FZR1: variants seen among roughly 807,000 people sequenced by gnomAD.
The protein encoded by FZR1 is fizzy-related protein homolog.
FZR1 carries 11 observed loss-of-function variants against 63.6 expected under a neutral mutation model. The ratio of observed to expected loss-of-function variants is 0.17; its 90% CI spans 0.11 to 0.29. The LOEUF (loss-of-function observed/expected upper bound fraction) is 0.29. Among genes scored for constraint, FZR1 ranks in the 10% least tolerant of loss-of-function variants. The pLI, the probability that FZR1 is intolerant of heterozygous loss-of-function variation, is 1.00. For synonymous variants in FZR1, 328 were observed against 297.9 expected, an observed-to-expected ratio of 1.10 and a Z score of -1.04; for missense variants, 440 against 687.5, an observed-to-expected ratio of 0.64 and a Z score of 4.03.
chr19:3,534,236 A>G, intron 12 of FZR1, 185 bp from the exon 13 acceptor site: 1 of 441,046 alleles, frequency 2.3e-6, no homozygotes, highest in Non-Finnish European at 4.0e-6. Context: ...TTAAAAAAAA[A>G]AAAAAAAAAA....
intron 1 of FZR1, among the ~76,000 whole-genome samples, chr19:3,513,486 A>G (rs1362258544): frequency 6.6e-6 from 1 of 152,192 alleles, no homozygotes; most frequent in Non-Finnish European, 1.5e-5. Flanking sequence ...ACCCTCACCA[A>G]CTGCATGGGG....
At position 3,532,582 on chromosome 19, in the gene FZR1, C is replaced by G; in HGVS notation, c.1174C>G (p.Pro392Ala). ...CTTCTGGAACACGCTGACAGGACAA[C>G]CACTGCAGTGTATCGACACGGGCTC... ...IRFWNTLTGQ[P>A]LQCIDTGSQV... The change falls in exon 11 of 14, where the codon CCA becomes GCA. Residue 392 changes from proline to alanine, a missense_variant. By Grantham distance (27) the Pro-to-Ala change is conservative (BLOSUM62 -1). Around this residue, in one of 5 missense-constraint regions of FZR1, gnomAD observed 208 missense variants for 363.6 expected, o/e 0.57. Transcript: ENST00000441788. 2.5e-6 allele frequency: 4 copies of G among 1,612,776 alleles called. No individual in the cohort carries two copies. Among genetic ancestry groups the G allele is most frequent in the Non-Finnish European group, 3.4e-6 (4 of 1,179,842 alleles).
chr19:3,518,094 A>C (rs1029175236), intron 1 of FZR1, among the ~76,000 whole-genome samples: 1 of 148,824 alleles, frequency 6.7e-6, no homozygotes, highest in Non-Finnish European at 1.5e-5. Flanking sequence ...TGCTCACTGC[A>C]ACCTCCGCCT....
chr19:3,522,722 G>A (rs1006744356), intron 1 of FZR1, among the ~76,000 whole-genome samples: 5 of 152,294 alleles, frequency 3.3e-5, no homozygotes, highest in Middle Eastern at 3.4e-3. Flanking sequence ...CCTTTCCCGG[G>A]CAGGAGGACA....
intron 10 of FZR1, 77 bp downstream of exon 10, chr19:3,532,172 G>A: frequency 7.4e-7 from 1 of 1,355,674 alleles, no homozygotes; most frequent in Non-Finnish European, 9.8e-7. Flanking sequence ...GAAGAGCCTG[G>A]GCTGGGGCGG....
chr19:3,509,041 C>T (rs2083006083), intron 1 of FZR1, among the ~76,000 whole-genome samples: 1 of 152,258 alleles, frequency 6.6e-6, no homozygotes, highest in Non-Finnish European at 1.5e-5. Context: ...GACCTCATCT[C>T]TCTTCTGCCC....
At position 3,532,643 on chromosome 19, in the gene FZR1, A is replaced by G. The variant is rs757368401; in HGVS notation, c.1235A>G (p.Asn412Ser). 8 of 1,610,772 alleles carry G rather than the reference A, an allele frequency of 5.0e-6. No individual in the cohort carries two copies. In the East Asian group the frequency reaches 1.6e-4, roughly 31 times the overall value. The stretch of plus-strand genomic sequence containing the variant: ...AATCTGGCCTGGTCCAAGCACGCCA[A>G]CGAGCTGGTGAGCACGGGCGGCCCG... ...VCNLAWSKHA[N>S]ELVSTHGYSQ... The change falls in exon 11 of 14, where the codon AAC becomes AGC. Residue 412 changes from asparagine (N) to serine (S), a missense_variant. By Grantham distance (46) the Asn-to-Ser change is conservative (BLOSUM62 1). Transcript: ENST00000441788.
chr19:3,534,042 G>C (rs999409270), intron 12 of FZR1, among the ~76,000 whole-genome samples: 8 of 151,196 alleles, frequency 5.3e-5, no homozygotes, highest in African/African-American at 9.8e-5. Context: ...GGGCAACATA[G>C]CAAGACCCCA....
At chr19:3,524,792 G>C (rs952003026) in intron 2 of FZR1, among the ~76,000 whole-genome samples, 2 of 152,110 alleles carry the variant, frequency 1.3e-5, no homozygotes, top group African/African-American at 4.8e-5. Context: ...TCTGGCCTCT[G>C]CATCTGTCCT....
In FZR1 at chr19:3,514,845, G is replaced by T. The variant is rs2083047086; in HGVS notation, c.-34-8111G>T. Among the ~76,000 whole-genome samples the T allele has an allele frequency of 6.6e-6, 1 of 152,222 alleles. No individual in the cohort carries two copies. The highest frequency in any genetic ancestry group is 2.4e-5 in the African/African-American group (1 of 41,452). The stretch of plus-strand genomic sequence containing the variant: ...CTGTTTTGTCAGGTGACTGGGTCAT[G>T]CCCATTTCCCAGGGGAACAGGAAGA... On this transcript the variant is annotated intron_variant, in intron 1 of 13. Transcript: ENST00000441788. This position sits in a 1 kb window ranked among gnomAD's most constrained non-coding sequence, Gnocchi z 4.2.
At chr19:3,529,244 G>A (rs1012262842) in intron 7 of FZR1, among the ~76,000 whole-genome samples, 1 of 150,564 alleles carries the variant, frequency 6.6e-6, no homozygotes, top group African/African-American at 2.4e-5. Context: ...GCGGATGAGA[G>A]TGGTTGAGGG....
chr19:3,511,840 T>A (rs2083026602), intron 1 of FZR1, among the ~76,000 whole-genome samples: 1 of 152,200 alleles, frequency 6.6e-6, no homozygotes, highest in Non-Finnish European at 1.5e-5. Flanking sequence ...CCTTTTTTAC[T>A]TGGCTACTCT....
In FZR1 at chr19:3,522,977, G is replaced by C; in HGVS notation, c.-13G>C. 1 of 1,605,380 alleles carries C rather than the reference G, an allele frequency of 6.2e-7. No homozygotes were observed. Among genetic ancestry groups the C allele is most frequent in the Non-Finnish European group, 8.5e-7 (1 of 1,173,142 alleles). ...GCAGGCTAACCTTGCCGCGGGCCGA[G>C]CCCTGCCTCGCCATGGACCAGGACT... is the stretch of plus-strand genomic sequence containing the variant. On this transcript the variant is annotated 5_prime_UTR_variant, in exon 2 of 14. Transcript: ENST00000441788.
chr19:3,533,270 C>T lies in FZR1; in HGVS notation c.1243-24C>T, dbSNP rs375615319. 54 of 1,466,368 alleles carry T rather than the reference C, an allele frequency of 3.7e-5. No individual in the cohort carries two copies. Among genetic ancestry groups the T allele is most frequent in the South Asian group, 2.0e-4 (18 of 88,192 alleles). 90.8% of individuals were successfully genotyped at this position (1,466,368 alleles called of 1,614,324 possible). ...CCCGGCCTCGTTGCCCCTCACCGAC[C>T]GCAGCGCCCCCTCCGCCCTCCAGGT... On this transcript the variant is annotated intron_variant, in intron 11 of 13. Transcript: ENST00000441788. This position sits in a 1 kb window ranked among gnomAD's most constrained non-coding sequence, Gnocchi z 4.9.
Position 3,526,350 on chromosome 19 carries a change from G to A in FZR1, c.351G>A (p.Leu117=), listed in dbSNP as rs763499825. ...VQDPQTEDRR[L]QPSTPEKKGL... ...ACCCGCAGACTGAGGACCGCAGGCT[G>A]CAGCCCTCCACGCCTGAGAAGAAGG... The change falls in exon 5 of 14, where the codon CTG becomes CTA. Residue 117 remains leucine, a synonymous_variant. Coordinates refer to ENST00000441788, the MANE Select transcript of FZR1 (RefSeq NM_016263.4). The surrounding 1 kb of genome is among the most constrained non-coding windows in gnomAD (Gnocchi z 5.4). 3.8e-6 allele frequency: 6 copies of A among 1,599,440 alleles called. No individual in the cohort carries two copies. In the South Asian group the frequency reaches 5.6e-5, roughly 15 times the overall value.
Position 3,526,918 on chromosome 19 carries a change from G to C in FZR1, c.388-62G>C. 8.7e-7 allele frequency: 1 copy of C among 1,155,832 alleles called. No individual in the cohort carries two copies. Among genetic ancestry groups the C allele is most frequent in the South Asian group, 1.2e-5 (1 of 81,512 alleles). The allele number at this position is 1,155,832 out of a possible 1,614,324, so 71.6% of individuals were successfully genotyped here. A position where few individuals can be genotyped will look rare whatever the true frequency, so the allele number is the denominator to read the frequency against. Reference sequence around the variant, plus strand: ...GCTGTACCGGGAGCGTGGGCTGCTGGGGGGCTCTGAGGGTCCTGCGGCCTG... The same window carrying C: ...GCTGTACCGGGAGCGTGGGCTGCTGCGGGGCTCTGAGGGTCCTGCGGCCTG... On this transcript the variant is annotated intron_variant, in intron 5 of 13. Transcript: ENST00000441788. This position sits in a 1 kb window ranked among gnomAD's most constrained non-coding sequence, Gnocchi z 5.4.
In FZR1 at chr19:3,530,433, CGG is replaced by C. The variant is rs1568238987; in HGVS notation, c.655-358_655-357del. Among the ~76,000 whole-genome samples, 23 of 68,708 alleles carry C rather than the reference CGG, an allele frequency of 3.3e-4. No individual in the cohort carries two copies. In the East Asian group the frequency reaches 0.068, roughly 203 times the overall value. 45.1% of individuals were successfully genotyped at this position (68,708 alleles called of 152,430 possible). A position where few individuals can be genotyped will look rare whatever the true frequency, so the allele number is the denominator to read the frequency against. On this transcript the variant is annotated intron_variant, in intron 7 of 13. Coordinates refer to ENST00000441788, the MANE Select transcript of FZR1 (RefSeq NM_016263.4). The stretch of plus-strand genomic sequence containing the variant: ...GCGCATGGGAGAGCGCATGGGAGAG[CGG>C]ATGGGAGAGCGCATGGGAGAGCGCA...
At chr19:3,521,709 C>G (rs2083103297) in intron 1 of FZR1, among the ~76,000 whole-genome samples, 1 of 152,148 alleles carries the variant, frequency 6.6e-6, no homozygotes, top group Non-Finnish European at 1.5e-5. Context: ...ACCACGTTGG[C>G]CAGGCTGGTC....
At chr19:3,529,817 TGGATGGGTGAGC>T (rs368762719) in intron 7 of FZR1, among the ~76,000 whole-genome samples, 3,655 of 66,130 alleles carry the variant, frequency 0.055, 665 homozygotes, top group African/African-American at 0.22. Context: ...GATGGTTGAG[TGGATGGGTGAGC>T]GGATGGGTGA....
Sources: gnomAD v4.1 joint callset for allele counts (sites outside exome capture counted in the v4.1 genomes callset) on GRCh38, gnomAD v4.1.1 for gene constraint, gnomAD v4.1.1 regional missense constraint, Gnocchi (gnomAD v3.1) non-coding constraint, MANE v1.5 for transcripts, NCBI Gene and HGNC (gene_info 2026-07-23, HGNC 2026-07-21) for gene names.